The following SSH2 variants were observed in gnomAD, a reference collection of about 807,000 sequenced individuals.
SSH2 encodes the protein protein phosphatase Slingshot homolog 2.
SSH2 carries 37 observed loss-of-function variants against 135.2 expected under a neutral mutation model. That is an observed-to-expected ratio of 0.27 (90% CI 0.21 to 0.36). The LOEUF (loss-of-function observed/expected upper bound fraction) is 0.36, where lower values mean the gene tolerates loss of function less well. Ranked by LOEUF, SSH2 falls within the 10% of genes least tolerant of loss-of-function variation. The pLI is 1.00. For synonymous variants in SSH2, 628 were observed against 646.2 expected (o/e 0.97, Z 0.43); for missense variants, 1,408 against 1,765.3 (o/e 0.80, Z 3.63).
At chr17:29,761,209 G>C in intron 3 of SSH2, 3 of 1,288,918 alleles carry the variant, frequency 2.3e-6, no homozygotes, top group Non-Finnish European at 3.0e-6. Flanking sequence ...GAATCATGTC[G>C]GGGCCACCGA....
rs77400332 is a variant in SSH2 at position 29,763,834 on chromosome 17, A to G, written c.188+30060T>C. Among the ~76,000 whole-genome samples, 1,099 of 152,224 alleles carry G rather than the reference A, an allele frequency of 7.2e-3. 49 individuals are homozygous for G. In the East Asian group the frequency reaches 0.087, roughly 12 times the overall value. On this transcript the variant is annotated intron_variant, in intron 3 of 15. Transcript: ENST00000540801. Reference sequence around the variant, plus strand: ...ACCTCTGTCAGTGTCTGTTCAGCTAAGGAGGCTATGTTAACGTCCCTATCC... The same window carrying G: ...ACCTCTGTCAGTGTCTGTTCAGCTAGGGAGGCTATGTTAACGTCCCTATCC...
chr17:29,731,417 TTTTATTTA>T (rs142032070), intron 3 of SSH2, among the ~76,000 whole-genome samples: 41,132 of 118,618 alleles, frequency 0.35, 6,076 homozygotes, highest in Middle Eastern at 0.39. Flanking sequence ...CAGAAGTATT[TTTTATTTA>T]TTTATTTATT....
intron 2 of SSH2, among the ~76,000 whole-genome samples, chr17:29,840,241 C>T (rs148004507): frequency 3.3e-5 from 5 of 152,244 alleles, no homozygotes; most frequent in Admixed American, 3.3e-4. Flanking sequence ...CAAATTTGGC[C>T]GAGGCTCCTT....
At chr17:29,849,839 C>T (rs982412774) in intron 1 of SSH2, among the ~76,000 whole-genome samples, 1 of 80,208 alleles carries the variant, frequency 1.2e-5, no homozygotes, top group Non-Finnish European at 2.4e-5. Flanking sequence ...GTCTGTACTA[C>T]AAAAAAAAAA....
intron 3 of SSH2, among the ~76,000 whole-genome samples, chr17:29,778,618 CGACAAGAGTGA>C (rs548533545): frequency 7.9e-4 from 119 of 149,728 alleles, no homozygotes; most frequent in African/African-American, 2.9e-3. Flanking sequence ...CCAGCCTGGG[CGACAAGAGTGA>C]GATTCTGTCT....
In SSH2 at chr17:29,724,542, A is replaced by AAC. The variant is rs1555620983; in HGVS notation, c.189-21481_189-21480insGT. 3.7e-3 allele frequency among the ~76,000 whole-genome samples: 549 copies of AAC among 149,570 alleles called. 12 individuals carry two copies. The highest frequency in any genetic ancestry group is 0.013 in the African/African-American group (527 of 40,640). ...AAACTCTGTCTCAAAAAAAAAAAAA[A>AAC]AAAACAAAACCCTATTCTAAGGACC... On this transcript the variant is annotated intron_variant, in intron 3 of 15. Coordinates refer to ENST00000540801, the MANE Select transcript of SSH2 (RefSeq NM_001282129.2).
At chr17:29,817,234 C>T (rs192864889) in intron 2 of SSH2, among the ~76,000 whole-genome samples, 1 of 152,304 alleles carries the variant, frequency 6.6e-6, no homozygotes, top group Non-Finnish European at 1.5e-5. Flanking sequence ...AACTTCCACA[C>T]TGTCCTCTCC....
At chr17:29,651,027 T>C (rs1195451520) in intron 12 of SSH2, among the ~76,000 whole-genome samples, 2 of 152,230 alleles carry the variant, frequency 1.3e-5, no homozygotes, top group Admixed American at 6.5e-5. Context: ...CAAAAAGTTA[T>C]TCACCATGTT....
intron 3 of SSH2, among the ~76,000 whole-genome samples, chr17:29,768,275 C>T (rs2041492707): frequency 6.7e-6 from 1 of 149,128 alleles, no homozygotes; most frequent in Non-Finnish European, 1.5e-5. Context: ...TAGACTATAA[C>T]AAGATAAATG....
At chr17:29,803,125 C>T (rs182719437) in intron 2 of SSH2, among the ~76,000 whole-genome samples, 1 of 152,276 alleles carries the variant, frequency 6.6e-6, no homozygotes, top group East Asian at 1.9e-4. Context: ...AGGCTTAGAT[C>T]CACTGCTAGA....
chr17:29,858,880 AT>A (rs1329285048), intron 1 of SSH2, among the ~76,000 whole-genome samples: 1 of 152,098 alleles, frequency 6.6e-6, no homozygotes, highest in Non-Finnish European at 1.5e-5. Context: ...TCAAAAAAAA[AT>A]AAATAAATAA....
chr17:29,666,360 C>T (rs561097859), intron 11 of SSH2, among the ~76,000 whole-genome samples: 4 of 151,924 alleles, frequency 2.6e-5, no homozygotes, highest in South Asian at 2.1e-4. Flanking sequence ...GGCAACAGAG[C>T]GAGACCCTGT....
intron 9 of SSH2, 99 bp from the exon 10 acceptor site, chr17:29,667,322 A>C: frequency 2.1e-6 from 2 of 939,516 alleles, no homozygotes; most frequent in Non-Finnish European, 3.2e-6. Flanking sequence ...TTCTTCAATA[A>C]GGCAAATCCT....
chr17:29,795,804 C>T (rs764949148), intron 2 of SSH2, among the ~76,000 whole-genome samples: 24 of 152,014 alleles, frequency 1.6e-4, no homozygotes, highest in Non-Finnish European at 2.5e-4. Context: ...TGCAGTGATG[C>T]GATCTCGACT....
At chr17:29,686,825 T>C (rs548035885) in intron 5 of SSH2, among the ~76,000 whole-genome samples, 10 of 152,184 alleles carry the variant, frequency 6.6e-5, no homozygotes, top group Middle Eastern at 3.4e-3. Context: ...CATGCCACCA[T>C]GCCTGGCTAA....
chr17:29,815,994 G>A (rs190631420), intron 2 of SSH2, among the ~76,000 whole-genome samples: 72 of 151,940 alleles, frequency 4.7e-4, no homozygotes, highest in Middle Eastern at 3.4e-3. Flanking sequence ...GACTACAGGC[G>A]CGCACCACCA....
intron 1 of SSH2, among the ~76,000 whole-genome samples, chr17:29,873,417 G>C (rs922840595): frequency 6.6e-6 from 1 of 152,014 alleles, no homozygotes; most frequent in Non-Finnish European, 1.5e-5. Context: ...AAACTAGCCG[G>C]GCATGGTGGT....
chr17:29,807,459 G>A (rs1741743774), intron 2 of SSH2, among the ~76,000 whole-genome samples: 1 of 152,210 alleles, frequency 6.6e-6, no homozygotes. Context: ...ACTGAGAGCT[G>A]CTGGAGTCTA....
intron 3 of SSH2, among the ~76,000 whole-genome samples, chr17:29,754,494 C>A (rs922323033): frequency 6.6e-6 from 1 of 152,020 alleles, no homozygotes; most frequent in African/African-American, 2.4e-5. Flanking sequence ...TCATGTGCTT[C>A]TAGGAAGTCA....
Sources: gnomAD v4.1 joint callset for allele counts (sites outside exome capture counted in the v4.1 genomes callset) on GRCh38, gnomAD v4.1.1 for gene constraint, MANE v1.5 for transcripts, NCBI Gene and HGNC (gene_info 2026-07-23, HGNC 2026-07-21) for gene names.